CACNA1A: variants seen among roughly 807,000 people sequenced by gnomAD.
The protein encoded by CACNA1A is voltage-dependent P/Q-type calcium channel subunit alpha-1A.
A neutral mutation model predicts 262.4 loss-of-function variants in CACNA1A; 57 were observed. The observed-to-expected ratio is 0.22, with a 90% CI of 0.18 to 0.27. CACNA1A has a LOEUF of 0.27. CACNA1A is among the 10% of genes least tolerant of loss of function. The probability of loss-of-function intolerance (pLI) is 1.00; values close to 1 mark genes in which losing one functional copy is unlikely to be tolerated. For synonymous variants in CACNA1A, 1,431 were observed against 1,419.3 expected, an observed-to-expected ratio of 1.01 and a Z score of -0.18; for missense variants, 2,526 against 3,562.8, an observed-to-expected ratio of 0.71 and a Z score of 7.41.
intron 10 of CACNA1A, among the ~76,000 whole-genome samples, chr19:13,323,230 G>T (rs1346114389): frequency 6.6e-6 from 1 of 152,136 alleles, no homozygotes; most frequent in Non-Finnish European, 1.5e-5. Context: ...CTGCGCTCCA[G>T]CTTGGGTGAC....
chr19:13,279,768 AGCCCGGCCCACTGT>A lies in CACNA1A; in HGVS notation c.3823-2654_3823-2641del, dbSNP rs996236228. Among the ~76,000 whole-genome samples, 40 of 146,546 alleles carry A rather than the reference AGCCCGGCCCACTGT, an allele frequency of 2.7e-4. 1 individual carries two copies. The highest frequency in any genetic ancestry group is 8.9e-4 in the African/African-American group (35 of 39,176). On this transcript the variant is annotated intron_variant, in intron 22 of 46. Transcript: ENST00000360228. ...CCAAAGTGCTGGGATTACAGGTGCG[AGCCCGGCCCACTGT>A]GCCCGGCCCACTGTGTTTATTTTTA...
chr19:13,398,423 G>C (rs904048521), intron 3 of CACNA1A, among the ~76,000 whole-genome samples: 2 of 152,074 alleles, frequency 1.3e-5, no homozygotes, highest in Non-Finnish European at 2.9e-5. Context: ...AATACACTTG[G>C]GCAGGTAAAT....
intron 10 of CACNA1A, 88 bp downstream of exon 10, chr19:13,330,156 C>T (rs1220660382): frequency 1.8e-5 from 16 of 880,434 alleles, no homozygotes; most frequent in Non-Finnish European, 2.3e-5. Context: ...CCAGGCAGCA[C>T]GGTTTGCAAG....
chr19:13,436,906 A>C (rs904030916), intron 3 of CACNA1A, among the ~76,000 whole-genome samples: 1 of 152,220 alleles, frequency 6.6e-6, no homozygotes, highest in Admixed American at 6.5e-5. Flanking sequence ...CCCCTCTTCA[A>C]GGCCCCTGGA....
chr19:13,296,334 T>C (rs1043193400), intron 19 of CACNA1A, among the ~76,000 whole-genome samples: 2 of 152,186 alleles, frequency 1.3e-5, no homozygotes, highest in Non-Finnish European at 2.9e-5. Context: ...AAAATCAATA[T>C]TATGCCCTGA....
intron 27 of CACNA1A, 28 bp from the exon 28 acceptor site, chr19:13,257,579 A>C: frequency 6.7e-7 from 1 of 1,501,884 alleles, no homozygotes; most frequent in Non-Finnish European, 9.1e-7. Flanking sequence ...GGGAGAGGGA[A>C]GGGGCAGGAA....
Position 13,299,033 on chromosome 19 carries a change from CGATCGTGGTAGCGGGCCT to C in CACNA1A, c.2582_2599del (p.Gln861_Asp866del), listed in dbSNP as rs767951499. 30 of 1,594,986 alleles carry C rather than the reference CGATCGTGGTAGCGGGCCT, an allele frequency of 1.9e-5. No homozygotes were observed. Among genetic ancestry groups the C allele is most frequent in the Non-Finnish European group, 2.5e-5 (29 of 1,176,098 alleles). On this transcript the variant is annotated inframe_deletion, in exon 19 of 47. Transcript: ENST00000360228. ...CGCCGAGCCGCTGGGGTCCCGGGCC[CGATCGTGGTAGCGGGCCT>C]GTTTCCTGAGGAAGTCCTCGGCGCG...
chr19:13,472,895 T>A (rs1041892829), intron 1 of CACNA1A, among the ~76,000 whole-genome samples: 3 of 152,090 alleles, frequency 2.0e-5, no homozygotes, highest in Non-Finnish European at 4.4e-5. Flanking sequence ...AAATTAGAGA[T>A]CTCAAGATGA....
At chr19:13,240,791 A>T (rs758312025) in intron 31 of CACNA1A, among the ~76,000 whole-genome samples, 83 of 124,072 alleles carry the variant, frequency 6.7e-4, no homozygotes, top group Non-Finnish European at 1.2e-3. Flanking sequence ...GCAGTGACTG[A>T]GTGTGTGCAC....
chr19:13,261,666 G>A (rs2056737408), intron 25 of CACNA1A, 56 bp from the exon 26 acceptor site: 1 of 1,528,274 alleles, frequency 6.5e-7, no homozygotes, highest in Admixed American at 1.9e-5. Context: ...CCAACCTTCT[G>A]CCTCCAGTGG....
At chr19:13,376,576 T>C (rs1031283485) in intron 3 of CACNA1A, among the ~76,000 whole-genome samples, 2 of 148,860 alleles carry the variant, frequency 1.3e-5, no homozygotes, top group East Asian at 1.9e-4. Flanking sequence ...ATATATGTTA[T>C]ATATAACATA....
chr19:13,367,491 G>A lies in CACNA1A; in HGVS notation c.632-2022C>T, dbSNP rs565882262. ...GCCTGTAATCCCAGCACTTTGGGAG[G>A]CCGAGGCGGGCAGATCACGAGGTCA... On this transcript the variant is annotated intron_variant, in intron 4 of 46. Coordinates refer to ENST00000360228, the MANE Select transcript of CACNA1A (RefSeq NM_001127222.2). Among the ~76,000 whole-genome samples the A allele has an allele frequency of 9.9e-5, 15 of 152,108 alleles. No homozygotes were observed. The East Asian group carries it at 2.7e-3, about 28-fold the overall frequency.
In CACNA1A at chr19:13,429,201, CA is replaced by C. The variant is rs1568635577; in HGVS notation, c.539+23674del. 3.1e-4 allele frequency among the ~76,000 whole-genome samples: 47 copies of C among 150,516 alleles called. No homozygotes were observed. The East Asian group carries it at 8.7e-3, about 28-fold the overall frequency. On this transcript the variant is annotated intron_variant, in intron 3 of 46. Coordinates refer to ENST00000360228, the MANE Select transcript of CACNA1A (RefSeq NM_001127222.2). Reference sequence around the variant, plus strand: ...ACACACACACACACACACACACACACACACACCCCTCTTTCTCTCTCTTCTT... The same window carrying C: ...ACACACACACACACACACACACACACCACACCCCTCTTTCTCTCTCTTCTT...
intron 10 of CACNA1A, among the ~76,000 whole-genome samples, chr19:13,327,554 A>G (rs77994389): frequency 0.13 from 19,187 of 150,310 alleles, 2,259 homozygotes; most frequent in African/African-American, 0.32. Flanking sequence ...TTAAAAATAT[A>G]TATACATATA....
rs74703607 is a variant in CACNA1A, at chr19:13,313,494, T to C, written c.1556-713A>G. Among the ~76,000 whole-genome samples, 498 of 122,062 alleles carry C rather than the reference T, an allele frequency of 4.1e-3. 5 individuals are homozygous for C. The highest frequency in any genetic ancestry group is 0.017 in the African/African-American group (485 of 28,866). 80.1% of individuals were successfully genotyped at this position (122,062 alleles called of 152,430 possible). A position where few individuals can be genotyped will look rare whatever the true frequency, so the allele number is the denominator to read the frequency against. ...TAGCCTGGGTGACAGAGCAAGACCT[T>C]GTCTAAAAAAAAAAAAAAAAAAAAA... is the stretch of plus-strand genomic sequence containing the variant. On this transcript the variant is annotated intron_variant, in intron 11 of 46. Coordinates refer to ENST00000360228, the MANE Select transcript of CACNA1A (RefSeq NM_001127222.2).
intron 10 of CACNA1A, among the ~76,000 whole-genome samples, chr19:13,325,190 C>CTTTTT (rs2058337224): frequency 7.9e-6 from 1 of 126,042 alleles, no homozygotes; most frequent in Non-Finnish European, 1.6e-5. Flanking sequence ...TCTTCTTCTT[C>CTTTTT]TTCTTCTTTT....
Position 13,308,327 on chromosome 19 carries a change from G to C in CACNA1A, c.1782-76C>G. ...CCCGGAGTCAGCCCTCGAAACACGA[G>C]GCTCACTTTCCCAACTTTCTGGAGG... is the stretch of plus-strand genomic sequence containing the variant. On this transcript the variant is annotated intron_variant, in intron 13 of 46. Transcript: ENST00000360228. The surrounding 1 kb of genome is among the most constrained non-coding windows in gnomAD (Gnocchi z 4.2). 2.1e-5 allele frequency: 33 copies of C among 1,566,186 alleles called. No individual in the cohort carries two copies. Among genetic ancestry groups the C allele is most frequent in the Non-Finnish European group, 2.9e-5 (33 of 1,152,700 alleles).
chr19:13,452,554 G>C (rs2060935179), intron 3 of CACNA1A: 1 of 192,230 alleles, frequency 5.2e-6, no homozygotes, highest in African/African-American at 2.3e-5. Context: ...CTGAGTTTCT[G>C]ATTCCTCAGT....
At chr19:13,480,794 A>G (rs1302068354) in intron 1 of CACNA1A, among the ~76,000 whole-genome samples, 1 of 152,242 alleles carries the variant, frequency 6.6e-6, no homozygotes, top group African/African-American at 2.4e-5. Flanking sequence ...ATAATTACAT[A>G]ACATAAAATG....
Sources: allele counts gnomAD v4.1 joint callset (sites outside exome capture counted in the v4.1 genomes callset), GRCh38; gene constraint gnomAD v4.1.1; non-coding constraint Gnocchi (gnomAD v3.1); transcripts MANE v1.5; gene names NCBI Gene and HGNC (gene_info 2026-07-23, HGNC 2026-07-21).